RNASEL: variants seen among roughly 807,000 people sequenced by gnomAD.
RNASEL encodes ribonuclease L.
Under a neutral mutation model 50.9 loss-of-function variants are expected in RNASEL, and 36 were observed. The ratio of observed to expected loss-of-function variants is 0.71; its 90% CI spans 0.54 to 0.93. RNASEL has a LOEUF of 0.93. Among genes scored for constraint, RNASEL ranks in the 40% least tolerant of loss-of-function variants. The probability of loss-of-function intolerance (pLI) is 0.00; values close to 1 mark genes in which losing one functional copy is unlikely to be tolerated. For synonymous variants in RNASEL, 335 were observed against 335.6 expected (o/e 1.00, Z 0.02); for missense variants, 860 against 894.5 (o/e 0.96, Z 0.49).
chr1:182,580,999 A>AG (rs1223578215), intron 5 of RNASEL, among the ~76,000 whole-genome samples: 1 of 152,142 alleles, frequency 6.6e-6, no homozygotes, highest in African/African-American at 2.4e-5. Flanking sequence ...AGTCTATCAG[A>AG]GGGGCATGGG....
chr1:182,578,507 C>T (rs1661432153), intron 5 of RNASEL: 1 of 152,184 alleles, frequency 6.6e-6, no homozygotes, highest in Non-Finnish European at 1.5e-5. Flanking sequence ...AAAGAATGTA[C>T]TGAGTATCTG....
Position 182,582,128 on chromosome 1 carries a change from A to T in RNASEL, c.1697T>A (p.Leu566His). 3 of 1,614,232 alleles carry T rather than the reference A, an allele frequency of 1.9e-6. No individual in the cohort carries two copies. The highest frequency in any genetic ancestry group is 2.5e-6 in the Non-Finnish European group (3 of 1,180,042). The change falls in exon 4 of 7, where the codon CTC becomes CAC. Residue 566 changes from leucine (L) to histidine (H), a missense_variant. Coordinates refer to ENST00000367559, the MANE Select transcript of RNASEL (RefSeq NM_021133.4). ...CCTCACATGTTCCCCAGGATGGAAG[A>T]GACGATGAATGAGGTCCTTAGTTTC... ...DEETKDLIHR[L>H]FHPGEHVRDC...
intron 5 of RNASEL, chr1:182,579,634 A>G (rs890582399): frequency 9.6e-6 from 11 of 1,148,044 alleles, no homozygotes; most frequent in Non-Finnish European, 1.2e-5. Context: ...GCAAGTCAAC[A>G]GAAAAACAAA....
rs2102370991 is a variant in RNASEL at position 182,585,948 on chromosome 1, T to C, written c.859A>G (p.Lys287Glu). 1.9e-6 allele frequency: 3 copies of C among 1,614,204 alleles called. No individual in the cohort carries two copies. Residue 287 changes from lysine (K) to glutamate (E), a missense_variant, in exon 2 of 7, where the codon AAA becomes GAA. Lys to Glu is a moderately conservative substitution (Grantham distance 56). Transcript: ENST00000367559. Reference sequence around the variant, plus strand: ...CGTTTGCACAGCAACTCGGCGATTTTCTTCAGTTTGAGTTCAACAGCAAGC... The same window carrying C: ...CGTTTGCACAGCAACTCGGCGATTTCCTTCAGTTTGAGTTCAACAGCAAGC... The part of the protein sequence containing the change: ...LLLAVELKLK[K>E]IAELLCKRGA...
Position 182,585,307 on chromosome 1 carries a change from A to G in RNASEL, c.1480+20T>C, listed in dbSNP as rs1297057722. On this transcript the variant is annotated intron_variant, in intron 2 of 6. Coordinates refer to ENST00000367559, the MANE Select transcript of RNASEL (RefSeq NM_021133.4). ...AAGATCCCACAATTTCTAAGAGAGA[A>G]TTGGGGATTGGGGACTCACCTATTA... 5.6e-6 allele frequency: 9 copies of G among 1,611,340 alleles called. No individual in the cohort carries two copies. In the South Asian group the frequency reaches 6.6e-5, roughly 12 times the overall value.
Position 182,586,502 on chromosome 1 carries a change from G to T in RNASEL, c.305C>A (p.Ala102Glu). The T allele has an allele frequency of 1.9e-6, 3 of 1,611,582 alleles. No homozygotes were observed. Among genetic ancestry groups the T allele is most frequent in the Non-Finnish European group, 2.5e-6 (3 of 1,178,050 alleles). ...AAGTTTCAGCAGCTTCACGCTCCCC[G>T]CAATCGCTGCGAGGATAAAAGGCGT... is the stretch of plus-strand genomic sequence containing the variant. ...GATPFILAAI[A>E]GSVKLLKLFL... Residue 102 changes from alanine (A) to glutamate (E), a missense_variant, in exon 2 of 7, where the codon GCG becomes GAG. Coordinates refer to ENST00000367559, the MANE Select transcript of RNASEL (RefSeq NM_021133.4).
chr1:182,577,243 A>C, intron 5 of RNASEL, among the ~76,000 whole-genome samples: 1 of 152,246 alleles, frequency 6.6e-6, no homozygotes, highest in Admixed American at 6.5e-5. Context: ...ATGTGAGATT[A>C]TAAGTATGTT....
chr1:182,581,407 T>C lies in RNASEL; in HGVS notation c.1773-50A>G, dbSNP rs752704647. Reference sequence around the variant, plus strand: ...TGATCATGATCATCCCATCCCTCCCTTTCCTTTTCCAGAAAAAGAAAACCG... The same window carrying C: ...TGATCATGATCATCCCATCCCTCCCCTTCCTTTTCCAGAAAAAGAAAACCG... On this transcript the variant is annotated intron_variant, in intron 4 of 6. Coordinates refer to ENST00000367559, the MANE Select transcript of RNASEL (RefSeq NM_021133.4). The C allele has an allele frequency of 2.5e-6, 4 of 1,610,254 alleles. No homozygotes were observed. In the South Asian group the frequency reaches 4.4e-5, roughly 18 times the overall value.
intron 3 of RNASEL, among the ~76,000 whole-genome samples, chr1:182,582,957 A>T (rs1196188094): frequency 6.6e-6 from 1 of 152,178 alleles, no homozygotes; most frequent in Non-Finnish European, 1.5e-5. Flanking sequence ...CAGGAGCAAC[A>T]GCTATTTCAG....
Position 182,575,214 on chromosome 1 carries a change from T to G in RNASEL, c.*178A>C. The stretch of plus-strand genomic sequence containing the variant: ...GTAAAGCTTATGGACTAGTGTAGTC[T>G]GGGTATATATTGCTTTTGTTATAGA... On this transcript the variant is annotated 3_prime_UTR_variant, in exon 7 of 7. Coordinates refer to ENST00000367559, the MANE Select transcript of RNASEL (RefSeq NM_021133.4). 3 of 645,126 alleles carry G rather than the reference T, an allele frequency of 4.7e-6. No individual in the cohort carries two copies. Among genetic ancestry groups the G allele is most frequent in the Non-Finnish European group, 8.3e-6 (3 of 361,288 alleles). 40.0% of individuals were successfully genotyped at this position (645,126 alleles called of 1,614,324 possible). A position where few individuals can be genotyped will look rare whatever the true frequency, so the allele number is the denominator to read the frequency against.
intron 1 of RNASEL, among the ~76,000 whole-genome samples, chr1:182,588,416 T>C (rs1318111183): frequency 6.6e-6 from 1 of 152,174 alleles, no homozygotes; most frequent in Non-Finnish European, 1.5e-5. Flanking sequence ...TATCCCGTTA[T>C]GAAAAAATAA....
intron 5 of RNASEL, among the ~76,000 whole-genome samples, chr1:182,577,842 C>T (rs555410545): frequency 2.0e-5 from 3 of 152,202 alleles, no homozygotes; most frequent in Non-Finnish European, 4.4e-5. Context: ...ATATCTACAA[C>T]CAACTGATCT....
intron 5 of RNASEL, chr1:182,579,859 GT>G: frequency 1.7e-6 from 1 of 583,562 alleles, no homozygotes; most frequent in Non-Finnish European, 2.9e-6. Context: ...AAATGAGTTG[GT>G]AGACTTGATG....
chr1:182,576,388 A>C lies in RNASEL; in HGVS notation c.1907T>G (p.Ile636Ser). ...CATTTTTTTCATAACACATTCATTA[A>C]TCTAAAAAAACAAAAAATAACACAA... The part of the protein sequence containing the change: ...SKSFDKWTTK[I>S]NECVMKKMNK... The change falls in exon 6 of 7, where the codon ATT (isoleucine) becomes AGT (serine). Residue 636 changes from isoleucine (I) to serine (S), a missense_variant and splice_region_variant. Ile to Ser is a moderately radical substitution (Grantham distance 142). Transcript: ENST00000367559. The C allele has an allele frequency of 6.4e-7, 1 of 1,563,738 alleles. No individual in the cohort carries two copies. The highest frequency in any genetic ancestry group is 8.8e-7 in the Non-Finnish European group (1 of 1,138,316).
intron 3 of RNASEL, among the ~76,000 whole-genome samples, chr1:182,583,178 G>A (rs1661526560): frequency 6.6e-6 from 1 of 152,136 alleles, no homozygotes; most frequent in Admixed American, 6.5e-5. Flanking sequence ...ATTCTCTCCT[G>A]GAGAGAAGAT....
chr1:182,582,168 G>A lies in RNASEL; in HGVS notation c.1657C>T (p.Leu553Phe). Reference protein sequence around the residue: ...KAQSNEEVVQLSPDEETKDLI... With the variant: ...KAQSNEEVVQFSPDEETKDLI... ...TCCTTAGTTTCCTCATCTGGAGAAAGTTGAACCACCTCTTCATTACTTTGA... is the reference window on the plus strand; with the variant it reads ...TCCTTAGTTTCCTCATCTGGAGAAAATTGAACCACCTCTTCATTACTTTGA... The change falls in exon 4 of 7, where the codon CTT becomes TTT. Residue 553 changes from leucine to phenylalanine, a missense_variant. By Grantham distance (22) the Leu-to-Phe change is conservative (BLOSUM62 0). Coordinates refer to ENST00000367559, the MANE Select transcript of RNASEL (RefSeq NM_021133.4). 1 of 1,614,232 alleles carries A rather than the reference G, an allele frequency of 6.2e-7. No individual in the cohort carries two copies. The highest frequency in any genetic ancestry group is 8.5e-7 in the Non-Finnish European group (1 of 1,180,048).
intron 5 of RNASEL, chr1:182,576,922 G>C (rs1399247272): frequency 3.3e-5 from 5 of 151,146 alleles, no homozygotes; most frequent in Admixed American, 2.0e-4. Flanking sequence ...TGTCACCAGG[G>C]CTGGAGTACA....
In RNASEL at chr1:182,575,141, G is replaced by A; in HGVS notation, c.*251C>T. On this transcript the variant is annotated 3_prime_UTR_variant, in exon 7 of 7. Transcript: ENST00000367559. ...AGGGGTCAAGGCACTCATTCTTTTG[G>A]TGCAATTGACAAAAGGAATCTTAGC... 3.7e-6 allele frequency: 2 copies of A among 536,502 alleles called. No homozygotes were observed. Among genetic ancestry groups the A allele is most frequent in the East Asian group, 6.2e-5 (2 of 32,200 alleles). The allele number at this position is 536,502 out of a possible 1,614,324, so 33.2% of individuals were successfully genotyped here.
rs781039900 is a variant in RNASEL at position 182,575,396 on chromosome 1, C to T, written c.2222G>A (p.Cys741Tyr). 2 of 1,614,048 alleles carry T rather than the reference C, an allele frequency of 1.2e-6. No individual in the cohort carries two copies. The highest frequency in any genetic ancestry group is 8.5e-7 in the Non-Finnish European group (1 of 1,180,004). The change falls in exon 7 of 7, where the codon TGC becomes TAC. Residue 741 changes from cysteine (C) to tyrosine (Y), a missense_variant. By Grantham distance (194) the Cys-to-Tyr change is radical. Transcript: ENST00000367559. ...GAACTCCAGCAAATCAGTCCATCAG[C>T]ACCCAGGGCTGGCCAACCCACTGGC... ...GGASGLASPGC is the reference protein window; with the variant it reads ...GGASGLASPGY
Sources: allele counts gnomAD v4.1 joint callset (sites outside exome capture counted in the v4.1 genomes callset), GRCh38; gene constraint gnomAD v4.1.1; transcripts MANE v1.5; gene names NCBI Gene and HGNC (gene_info 2026-07-23, HGNC 2026-07-21).